The following SCFD2 variants were observed in gnomAD, a reference collection of about 807,000 sequenced individuals.
SCFD2 encodes the protein sec1 family domain-containing protein 2.
SCFD2 carries 54 observed loss-of-function variants against 58.9 expected under a neutral mutation model. The ratio of observed to expected loss-of-function variants is 0.92; its 90% confidence interval spans 0.74 to 1.15. The LOEUF (loss-of-function observed/expected upper bound fraction) is 1.15. Ranked by LOEUF, SCFD2 falls within the 50% of genes most tolerant of loss-of-function variation. The pLI is 0.00. For synonymous variants in SCFD2, 321 were observed against 335.9 expected, an observed-to-expected ratio of 0.96 and a Z score of 0.49; for missense variants, 805 against 836.6, an observed-to-expected ratio of 0.96 and a Z score of 0.47.
chr4:53,151,511 C>CA (rs1303114801), intron 4 of SCFD2, among the ~76,000 whole-genome samples: 1 of 151,996 alleles, frequency 6.6e-6, no homozygotes, highest in Non-Finnish European at 1.5e-5. Flanking sequence ...ATTAAAATGC[C>CA]ACTGCAAAGT....
intron 4 of SCFD2, among the ~76,000 whole-genome samples, chr4:53,186,200 T>G (rs899493902): frequency 3.9e-5 from 6 of 152,080 alleles, no homozygotes; most frequent in African/African-American, 1.4e-4. Flanking sequence ...TTTCCCACCC[T>G]TCAAGATCTG....
Position 52,940,645 on chromosome 4 carries a change from C to T in SCFD2, c.1562-19775G>A, listed in dbSNP as rs74417393. Among the ~76,000 whole-genome samples the T allele has an allele frequency of 6.7e-3, 1,022 of 152,218 alleles. 12 individuals are homozygous for T. Among genetic ancestry groups the T allele is most frequent in the Middle Eastern group, 0.041 (12 of 294 alleles). ...AAACATGAACCACTGCTCGTAAGTT[C>T]GGATTTCAGAAGAGTACCCCTGTGT... is the stretch of plus-strand genomic sequence containing the variant. On this transcript the variant is annotated intron_variant, in intron 5 of 8. Transcript: ENST00000401642.
chr4:52,874,857 T>C (rs1453233874), intron 8 of SCFD2, among the ~76,000 whole-genome samples: 1 of 152,112 alleles, frequency 6.6e-6, no homozygotes, highest in African/African-American at 2.4e-5. Flanking sequence ...CAGATACCAG[T>C]GGGGAGGTTA....
At chr4:52,915,177 T>C (rs1447476685) in intron 6 of SCFD2, among the ~76,000 whole-genome samples, 1 of 152,160 alleles carries the variant, frequency 6.6e-6, no homozygotes, top group African/African-American at 2.4e-5. Flanking sequence ...CATCTTGAAT[T>C]TGGTGCACCT....
At chr4:52,959,448 A>G (rs1487671388) in intron 5 of SCFD2, among the ~76,000 whole-genome samples, 1 of 152,148 alleles carries the variant, frequency 6.6e-6, no homozygotes, top group Admixed American at 6.6e-5. Context: ...GTGATTCTTA[A>G]GCATATTAAA....
At chr4:52,981,081 C>A (rs1721366926) in intron 5 of SCFD2, among the ~76,000 whole-genome samples, 1 of 152,140 alleles carries the variant, frequency 6.6e-6, no homozygotes, top group Non-Finnish European at 1.5e-5. Context: ...GATTTAAGAG[C>A]ATCTAATTAT....
intron 6 of SCFD2, among the ~76,000 whole-genome samples, chr4:52,911,026 G>A (rs922193293): frequency 6.6e-6 from 1 of 151,726 alleles, no homozygotes; most frequent in African/African-American, 2.4e-5. Context: ...GCATGAGAAC[G>A]GACTAATGCA....
At chr4:52,954,283 T>C (rs1720663124) in intron 5 of SCFD2, among the ~76,000 whole-genome samples, 1 of 152,174 alleles carries the variant, frequency 6.6e-6, no homozygotes, top group Non-Finnish European at 1.5e-5. Context: ...GCAGGCCCCA[T>C]ACCAGGCCAG....
intron 7 of SCFD2, among the ~76,000 whole-genome samples, chr4:52,906,131 C>T (rs1719342745): frequency 6.6e-6 from 1 of 152,184 alleles, no homozygotes; most frequent in Non-Finnish European, 1.5e-5. Flanking sequence ...CACTGCAACT[C>T]TCCAAGGGCA....
chr4:53,158,301 A>T (rs964461942), intron 4 of SCFD2, among the ~76,000 whole-genome samples: 1 of 152,210 alleles, frequency 6.6e-6, no homozygotes, highest in Admixed American at 6.5e-5. Flanking sequence ...GTAAATACAT[A>T]TCTCCAGCCA....
chr4:53,191,821 AG>A (rs1469793826), intron 4 of SCFD2, among the ~76,000 whole-genome samples: 1 of 152,210 alleles, frequency 6.6e-6, no homozygotes. Flanking sequence ...CCAATTAGAA[AG>A]GGGCTTCCTG....
At chr4:53,080,761 A>C (rs139643513) in intron 5 of SCFD2, among the ~76,000 whole-genome samples, 1 of 152,334 alleles carries the variant, frequency 6.6e-6, no homozygotes, top group African/African-American at 2.4e-5. Flanking sequence ...CAAAACCTCA[A>C]AATAAACATA....
At chr4:52,930,399 GA>G (rs1274130139) in intron 5 of SCFD2, among the ~76,000 whole-genome samples, 2 of 151,996 alleles carry the variant, frequency 1.3e-5, no homozygotes, top group Non-Finnish European at 2.9e-5. Context: ...CTAAAACTAG[GA>G]GAAACACTAG....
At chr4:53,051,982 A>G (rs1240579227) in intron 5 of SCFD2, among the ~76,000 whole-genome samples, 1 of 152,210 alleles carries the variant, frequency 6.6e-6, no homozygotes, top group Non-Finnish European at 1.5e-5. Context: ...GCCCAAACCT[A>G]CAGGTCAGAC....
chr4:53,079,631 T>C (rs899096853), intron 5 of SCFD2, among the ~76,000 whole-genome samples: 13 of 152,204 alleles, frequency 8.5e-5, no homozygotes, highest in Non-Finnish European at 1.5e-4. Context: ...CTGAGTTTAT[T>C]GACTTCTTGT....
intron 4 of SCFD2, among the ~76,000 whole-genome samples, chr4:53,161,140 T>C (rs1182265565): frequency 6.6e-6 from 1 of 152,132 alleles, no homozygotes; most frequent in Non-Finnish European, 1.5e-5. Flanking sequence ...AAGTCCCTAC[T>C]CCTTAGAGGG....
intron 5 of SCFD2, among the ~76,000 whole-genome samples, chr4:53,022,201 A>G (rs1722365559): frequency 6.6e-6 from 1 of 152,236 alleles, no homozygotes; most frequent in African/African-American, 2.4e-5. Flanking sequence ...TGAGAGATGC[A>G]TGTAAAAAGG....
intron 4 of SCFD2, among the ~76,000 whole-genome samples, chr4:53,261,562 T>G (rs1374494121): frequency 6.6e-6 from 1 of 152,230 alleles, no homozygotes; most frequent in Non-Finnish European, 1.5e-5. Flanking sequence ...ACTTCCAATT[T>G]TATTCCACTG....
intron 3 of SCFD2, among the ~76,000 whole-genome samples, chr4:53,288,454 C>T (rs1731738087): frequency 6.6e-6 from 1 of 151,902 alleles, no homozygotes; most frequent in Non-Finnish European, 1.5e-5. Flanking sequence ...AGGCACACTA[C>T]AAAAACAAAA....
Sources: gnomAD v4.1 joint callset for allele counts (sites outside exome capture counted in the v4.1 genomes callset) on GRCh38, gnomAD v4.1.1 for gene constraint, MANE v1.5 for transcripts, NCBI Gene and HGNC (gene_info 2026-07-23, HGNC 2026-07-21) for gene names.